PLEKHA8: variants seen among roughly 807,000 people sequenced by gnomAD.
The protein encoded by PLEKHA8 is pleckstrin homology domain-containing family A member 8.
A neutral mutation model predicts 68.2 loss-of-function variants in PLEKHA8; 36 were observed. The observed-to-expected ratio is 0.53, with a 90% CI of 0.40 to 0.70. The LOEUF is 0.70. Among genes scored for constraint, PLEKHA8 ranks in the 30% least tolerant of loss-of-function variants. The pLI, the probability that PLEKHA8 is intolerant of heterozygous loss-of-function variation, is 0.00. For missense variants in PLEKHA8, 505 were observed against 615.4 expected (o/e 0.82, Z 1.90); for synonymous variants, 211 against 216.1 (o/e 0.98, Z 0.20).
chr7:30,055,358 T>G lies in PLEKHA8; in HGVS notation c.1039+16T>G. The G allele has an allele frequency of 6.2e-7, 1 of 1,600,016 alleles. No homozygotes were observed. Among genetic ancestry groups the G allele is most frequent in the Non-Finnish European group, 8.6e-7 (1 of 1,167,182 alleles). On this transcript the variant is annotated intron_variant, in intron 9 of 13. Coordinates refer to ENST00000449726, the MANE Select transcript of PLEKHA8 (RefSeq NM_001197026.2). ...CCAGTATTAGGTAAGATTCCTGCAG[T>G]TGCCTTACATTCATTCATGTCTAGA...
chr7:30,085,469 T>C (rs1224453995), downstream of PLEKHA8, among the ~76,000 whole-genome samples: 2 of 152,210 alleles, frequency 1.3e-5, no homozygotes, highest in Non-Finnish European at 2.9e-5. Context: ...AATGGCTGTG[T>C]GCTTAATTAG....
chr7:30,112,221 G>A (rs1317063385), intron 13 of PLEKHA8, among the ~76,000 whole-genome samples: 1 of 152,014 alleles, frequency 6.6e-6, no homozygotes, highest in Non-Finnish European at 1.5e-5. Flanking sequence ...GAAAGAGATG[G>A]AAAAAATGAG....
chr7:30,066,828 T>C (rs1273650265), intron 12 of PLEKHA8, among the ~76,000 whole-genome samples: 1 of 152,250 alleles, frequency 6.6e-6, no homozygotes, highest in African/African-American at 2.4e-5. Context: ...TGGCACAGAA[T>C]AGAAAAAATT....
chr7:30,056,793 A>G (rs893411786), intron 9 of PLEKHA8, among the ~76,000 whole-genome samples: 36 of 140,328 alleles, frequency 2.6e-4, no homozygotes, highest in African/African-American at 9.4e-4. Flanking sequence ...GTGTATATAT[A>G]TATGTTATGT....
At chr7:30,033,979 TA>T (rs1446932848) in intron 1 of PLEKHA8, among the ~76,000 whole-genome samples, 1 of 150,398 alleles carries the variant, frequency 6.6e-6, no homozygotes, top group Non-Finnish European at 1.5e-5. Context: ...TTGTTTGGGT[TA>T]TTTTTTCATT....
intron 13 of PLEKHA8, among the ~76,000 whole-genome samples, chr7:30,121,592 G>A (rs1330075920): frequency 6.6e-6 from 1 of 151,986 alleles, no homozygotes; most frequent in Non-Finnish European, 1.5e-5. Flanking sequence ...TTGCGCCACT[G>A]CACTCCAGCC....
At chr7:30,106,006 A>G (rs896551892) in intron 13 of PLEKHA8, among the ~76,000 whole-genome samples, 7 of 149,812 alleles carry the variant, frequency 4.7e-5, no homozygotes, top group African/African-American at 1.5e-4. Flanking sequence ...ATTATGTGAT[A>G]TTTTTCCTAA....
chr7:30,106,488 A>G (rs1379588158), intron 13 of PLEKHA8, among the ~76,000 whole-genome samples: 2 of 152,178 alleles, frequency 1.3e-5, no homozygotes, highest in Non-Finnish European at 2.9e-5. Flanking sequence ...CTGTAATTTA[A>G]TAGCAGCAGC....
exon 13 of PLEKHA8, chr7:30,090,241 G>A (rs187539823): frequency 1.3e-6 from 2 of 1,533,726 alleles, no homozygotes; most frequent in East Asian, 2.5e-5. Flanking sequence ...TCACCATTCA[G>A]GCAGAAAAAG....
chr7:30,114,383 C>T (rs778020418), intron 13 of PLEKHA8, among the ~76,000 whole-genome samples: 2 of 152,232 alleles, frequency 1.3e-5, no homozygotes, highest in African/African-American at 4.8e-5. Flanking sequence ...GTGACACACC[C>T]AAGGTCACCC....
At chr7:30,072,710 A>G (rs982823795) in intron 12 of PLEKHA8, among the ~76,000 whole-genome samples, 8 of 152,236 alleles carry the variant, frequency 5.3e-5, no homozygotes, top group Admixed American at 5.2e-4. Context: ...AGAATGTCAC[A>G]CTAAGCATTC....
intron 12 of PLEKHA8, among the ~76,000 whole-genome samples, chr7:30,071,355 C>G (rs1201558692): frequency 6.6e-6 from 1 of 152,136 alleles, no homozygotes; most frequent in Non-Finnish European, 1.5e-5. Context: ...TGAGCTCTCA[C>G]AACGCTGTGA....
At chr7:30,038,542 A>G (rs956403666) in intron 1 of PLEKHA8, among the ~76,000 whole-genome samples, 40 of 152,222 alleles carry the variant, frequency 2.6e-4, no homozygotes, top group African/African-American at 9.6e-4. Context: ...GAAAGGAGTA[A>G]TACAAGGGAA....
rs1287741842 is a variant in PLEKHA8 at position 30,115,970 on chromosome 7, GTGCATGCA to G, written c.1363-13289_1363-13282del. On this transcript the variant is annotated intron_variant, in intron 13 of 13. Coordinates refer to the PLEKHA8 transcript ENST00000396257. ...CATACGCATACATGCATGCATACATGTGCATGCATGCATGTATGCATACGCATACATAC... is the reference window on the plus strand; with the variant it reads ...CATACGCATACATGCATGCATACATGTGCATGTATGCATACGCATACATAC... 9 of 108,490 alleles carry G rather than the reference GTGCATGCA, an allele frequency of 8.3e-5. 1 individual carries two copies. Among genetic ancestry groups the G allele is most frequent in the African/African-American group, 1.8e-4 (5 of 27,104 alleles). The allele number at this position is 108,490 out of a possible 1,614,324, so 6.7% of individuals were successfully genotyped here.
intron 13 of PLEKHA8, among the ~76,000 whole-genome samples, chr7:30,110,154 C>G (rs931466812): frequency 2.0e-5 from 3 of 152,004 alleles, no homozygotes; most frequent in African/African-American, 7.3e-5. Context: ...AAGAGCAACC[C>G]TGTACTTATT....
At chr7:30,121,485 C>T (rs1277835703) in intron 13 of PLEKHA8, among the ~76,000 whole-genome samples, 2 of 152,050 alleles carry the variant, frequency 1.3e-5, no homozygotes, top group African/African-American at 2.4e-5. Flanking sequence ...AAAAATTATC[C>T]GGGTGTGGTG....
intron 9 of PLEKHA8, among the ~76,000 whole-genome samples, chr7:30,058,816 G>A (rs1220928759): frequency 6.6e-6 from 1 of 152,134 alleles, no homozygotes; most frequent in Admixed American, 6.5e-5. Context: ...ACCAATTAGG[G>A]GAAAGCTGAC....
At chr7:30,036,416 ATAGATAG>A (rs1791091240) in intron 1 of PLEKHA8, among the ~76,000 whole-genome samples, 3 of 50,632 alleles carry the variant, frequency 5.9e-5, no homozygotes, top group Admixed American at 2.1e-4. Flanking sequence ...GAATAGATAG[ATAGATAG>A]ATAGATAGAT....
chr7:30,070,220 A>C (rs1019293053), intron 12 of PLEKHA8, among the ~76,000 whole-genome samples: 3 of 151,956 alleles, frequency 2.0e-5, no homozygotes, highest in African/African-American at 7.3e-5. Flanking sequence ...TTCTTTTGAC[A>C]CACCTTCTCC....
Sources: gnomAD v4.1 joint callset for allele counts (sites outside exome capture counted in the v4.1 genomes callset) on GRCh38, gnomAD v4.1.1 for gene constraint, MANE v1.5 for transcripts, NCBI Gene and HGNC (gene_info 2026-07-23, HGNC 2026-07-21) for gene names.